The following MOB1B variants were observed in gnomAD, a reference collection of about 807,000 sequenced individuals.
MOB1B encodes MOB kinase activator 1B, also known as MOB1 Mps One Binder homolog B.
In MOB1B, 19 loss-of-function variants were observed where a neutral mutation model predicts 24.4. The ratio of observed to expected loss-of-function variants is 0.78; its 90% CI spans 0.54 to 1.14. The LOEUF (loss-of-function observed/expected upper bound fraction) is 1.14, where lower values mean the gene tolerates loss of function less well. MOB1B is among the 50% of genes most tolerant of loss of function. The pLI, the probability that MOB1B is intolerant of heterozygous loss-of-function variation, is 0.00. For missense variants in MOB1B, 243 were observed against 259.6 expected, an observed-to-expected ratio of 0.94 and a Z score of 0.44; for synonymous variants, 76 against 82.1, an observed-to-expected ratio of 0.93 and a Z score of 0.40.
intron 1 of MOB1B, among the ~76,000 whole-genome samples, chr4:70,939,945 G>A (rs567051000): frequency 1.3e-5 from 2 of 152,234 alleles, no homozygotes; most frequent in East Asian, 3.9e-4. Context: ...TTCCCCTGGA[G>A]TCTGGCCACT....
intron 1 of MOB1B, among the ~76,000 whole-genome samples, chr4:70,914,295 G>A (rs147275112): frequency 6.6e-6 from 1 of 152,334 alleles, no homozygotes; most frequent in East Asian, 1.9e-4. Flanking sequence ...AAGTGACTAA[G>A]GCAGTGTGGA....
chr4:70,924,644 A>C (rs1335370536), intron 1 of MOB1B, among the ~76,000 whole-genome samples: 2 of 152,162 alleles, frequency 1.3e-5, no homozygotes, highest in South Asian at 2.1e-4. Context: ...TCCCCCACCC[A>C]CCAGCAGGCC....
intron 1 of MOB1B, among the ~76,000 whole-genome samples, chr4:70,904,349 C>G (rs28422843): frequency 0.041 from 6,196 of 152,046 alleles, 418 homozygotes; most frequent in African/African-American, 0.14. Context: ...TCATCTTGAG[C>G]TTAATTTTAC....
intron 1 of MOB1B, among the ~76,000 whole-genome samples, chr4:70,949,071 C>T (rs1208739554): frequency 1.3e-5 from 2 of 152,208 alleles, no homozygotes; most frequent in African/African-American, 2.4e-5. Flanking sequence ...CAGAATCACT[C>T]TTACCTTCAT....
intron 1 of MOB1B, among the ~76,000 whole-genome samples, chr4:70,953,822 T>G (rs758436059): frequency 6.6e-6 from 1 of 152,158 alleles, no homozygotes; most frequent in African/African-American, 2.4e-5. Context: ...CACATGTCTA[T>G]AATCCCAGCT....
Position 70,934,620 on chromosome 4 carries a change from A to AT in MOB1B, c.15-24247dup, listed in dbSNP as rs542748495. Among the ~76,000 whole-genome samples the AT allele has an allele frequency of 2.2e-3, 329 of 147,792 alleles. 2 individuals carry two copies. Among genetic ancestry groups the AT allele is most frequent in the Non-Finnish European group, 3.5e-3 (235 of 66,830 alleles). ...AGGCGACTGCCACCATGCTTGGCTA[A>AT]TTTTTTTGTATTTTTAATAGAGACA... On this transcript the variant is annotated intron_variant, in intron 1 of 5. Coordinates refer to ENST00000309395, the MANE Select transcript of MOB1B (RefSeq NM_173468.4).
At chr4:70,911,798 A>G (rs542703702) in intron 1 of MOB1B, among the ~76,000 whole-genome samples, 4 of 152,194 alleles carry the variant, frequency 2.6e-5, no homozygotes, top group East Asian at 1.9e-4. Context: ...AAACAGTTCT[A>G]CCTGTTAGGA....
chr4:70,917,677 A>C (rs1419128144), intron 1 of MOB1B, among the ~76,000 whole-genome samples: 2 of 152,212 alleles, frequency 1.3e-5, no homozygotes, highest in Non-Finnish European at 2.9e-5. Flanking sequence ...ATAATAATCT[A>C]CTGTTTTAGC....
intron 3 of MOB1B, among the ~76,000 whole-genome samples, chr4:70,972,758 ATTATTTTATTTTATT>A (rs140540036): frequency 2.0e-5 from 3 of 151,138 alleles, no homozygotes; most frequent in Non-Finnish European, 4.4e-5. Flanking sequence ...GCAATACACA[ATTATTTTATTTTATT>A]TTATTTTATT....
chr4:70,925,944 T>G (rs1166974029), intron 1 of MOB1B, among the ~76,000 whole-genome samples: 1 of 152,200 alleles, frequency 6.6e-6, no homozygotes, highest in Non-Finnish European at 1.5e-5. Flanking sequence ...ATCATTTTAT[T>G]TCCCAGCACA....
rs1459599024 is a variant in MOB1B, at chr4:70,969,946, A to G, written c.197A>G (p.Asn66Ser). ...WVAVNTVDFF[N>S]QINMLYGTIT... ...TGCTTTACAGCTGTGGATTTCTTCAATCAGATCAACATGCTTTATGGAACT... is the reference window on the plus strand; with the variant it reads ...TGCTTTACAGCTGTGGATTTCTTCAGTCAGATCAACATGCTTTATGGAACT... Residue 66 changes from asparagine (N) to serine (S), a missense_variant, in exon 3 of 6, where the codon AAT (asparagine) becomes AGT (serine). Physicochemically the swap from Asn to Ser is conservative, Grantham distance 46. Transcript: ENST00000309395. The G allele has an allele frequency of 6.9e-6, 11 of 1,600,704 alleles. No homozygotes were observed. Among genetic ancestry groups the G allele is most frequent in the African/African-American group, 2.7e-5 (2 of 74,704 alleles).
At chr4:70,970,049 T>G in intron 3 of MOB1B, 25 bp downstream of exon 3, 1 of 1,330,370 alleles carries the variant, frequency 7.5e-7, no homozygotes, top group Non-Finnish European at 1.1e-6. Flanking sequence ...ATGATCAGTT[T>G]CTTATTTTTA....
chr4:70,970,060 C>A, intron 3 of MOB1B, 36 bp downstream of exon 3: 1 of 1,227,754 alleles, frequency 8.1e-7, no homozygotes, highest in Non-Finnish European at 1.2e-6. Context: ...CTTATTTTTA[C>A]ATTATTTTAC....
chr4:70,964,001 A>G (rs1738417821), intron 2 of MOB1B, among the ~76,000 whole-genome samples: 2 of 152,244 alleles, frequency 1.3e-5, no homozygotes, highest in Admixed American at 1.3e-4. Context: ...ATGTCAGATA[A>G]AGTAGACTTT....
At chr4:70,979,063 C>G (rs910444146) in intron 4 of MOB1B, 65 bp from the exon 5 acceptor site, 1 of 1,339,694 alleles carries the variant, frequency 7.5e-7, no homozygotes, top group Non-Finnish European at 1.0e-6. Flanking sequence ...TTGACCTTTG[C>G]CGACAAACTC....
chr4:70,936,072 C>T lies in MOB1B; in HGVS notation c.15-22802C>T, dbSNP rs926197217. Among the ~76,000 whole-genome samples the T allele has an allele frequency of 7.9e-5, 12 of 152,058 alleles. 1 individual carries two copies. Among genetic ancestry groups the T allele is most frequent in the South Asian group, 4.2e-4 (2 of 4,810 alleles). On this transcript the variant is annotated intron_variant, in intron 1 of 5. Coordinates refer to ENST00000309395, the MANE Select transcript of MOB1B (RefSeq NM_173468.4). ...TTCACCGTTTTAGCTGGGATGGTCT[C>T]GATCTCCTGACCTCGTGATCCGCCC... is the stretch of plus-strand genomic sequence containing the variant.
At position 70,932,811 on chromosome 4, in the gene MOB1B, A is replaced by G. The variant is rs530479173; in HGVS notation, c.15-26063A>G. ...TTCTAATGTGGATGTTTTTGAAACA[A>G]TTTTGGTAATAGCACTAAGGATGAT... is the stretch of plus-strand genomic sequence containing the variant. On this transcript the variant is annotated intron_variant, in intron 1 of 5. Transcript: ENST00000309395. 2.0e-5 allele frequency among the ~76,000 whole-genome samples: 3 copies of G among 152,332 alleles called. No individual in the cohort carries two copies. The South Asian group carries it at 6.2e-4, about 32-fold the overall frequency.
At chr4:70,954,251 A>G (rs1284996365) in intron 1 of MOB1B, among the ~76,000 whole-genome samples, 1 of 152,152 alleles carries the variant, frequency 6.6e-6, no homozygotes, top group Non-Finnish European at 1.5e-5. Flanking sequence ...GGATAATGAA[A>G]ATACTAAATG....
chr4:70,937,665 C>T (rs1318039046), intron 1 of MOB1B, among the ~76,000 whole-genome samples: 1 of 151,998 alleles, frequency 6.6e-6, no homozygotes, highest in Non-Finnish European at 1.5e-5. Flanking sequence ...GCACGAGCCA[C>T]CACACCCAGC....
Sources: gnomAD v4.1 joint callset for allele counts (sites outside exome capture counted in the v4.1 genomes callset) on GRCh38, gnomAD v4.1.1 for gene constraint, MANE v1.5 for transcripts, NCBI Gene and HGNC (gene_info 2026-07-23, HGNC 2026-07-21) for gene names.